ZCCHC14: variants seen among roughly 807,000 people sequenced by gnomAD.
ZCCHC14 encodes zinc finger CCHC-type containing 14.
ZCCHC14 carries 16 observed loss-of-function variants against 85.0 expected under a neutral mutation model. The observed-to-expected ratio is 0.19, with a 90% CI of 0.13 to 0.29. The LOEUF (loss-of-function observed/expected upper bound fraction) is 0.29, where lower values mean the gene tolerates loss of function less well. Among genes scored for constraint, ZCCHC14 ranks in the 10% least tolerant of loss-of-function variants. The pLI, the probability that ZCCHC14 is intolerant of heterozygous loss-of-function variation, is 1.00. For missense variants in ZCCHC14, 1,303 were observed against 1,443.5 expected, an observed-to-expected ratio of 0.90 and a Z score of 1.58; for synonymous variants, 775 against 630.7, an observed-to-expected ratio of 1.23 and a Z score of -3.43.
chr16:87,489,239 G>A (rs1912643987), intron 1 of ZCCHC14, among the ~76,000 whole-genome samples: 1 of 152,112 alleles, frequency 6.6e-6, no homozygotes, highest in Non-Finnish European at 1.5e-5. Context: ...AGAAACCACG[G>A]TTGTTTTGAA....
intron 2 of ZCCHC14, among the ~76,000 whole-genome samples, chr16:87,433,900 T>G (rs1345157171): frequency 6.6e-6 from 1 of 151,650 alleles, no homozygotes; most frequent in Non-Finnish European, 1.5e-5. Context: ...CGCCTCAGCC[T>G]CCCAACGTGC....
intron 2 of ZCCHC14, among the ~76,000 whole-genome samples, chr16:87,436,792 A>G (rs1158724441): frequency 1.3e-5 from 2 of 152,254 alleles, no homozygotes; most frequent in South Asian, 2.1e-4. Context: ...ACATGATGAC[A>G]GTTTTGTTTA....
At chr16:87,433,994 A>G (rs1296718312) in intron 2 of ZCCHC14, among the ~76,000 whole-genome samples, 1 of 152,166 alleles carries the variant, frequency 6.6e-6, no homozygotes, top group Non-Finnish European at 1.5e-5. Context: ...GGCAAGGATG[A>G]GGAGACCAGA....
At chr16:87,416,651 G>A (rs1194539172) in intron 8 of ZCCHC14, among the ~76,000 whole-genome samples, 2 of 152,052 alleles carry the variant, frequency 1.3e-5, no homozygotes, top group East Asian at 1.9e-4. Flanking sequence ...AGCTATTCAG[G>A]AGGCTGAGGC....
rs1181397180 is a variant in ZCCHC14, at chr16:87,406,358, A to G, written c.*3922T>C. Reference sequence around the variant, plus strand: ...GTATAATAAAACATAAAAACCCCAAAAACAGAATACTTGACATTTACAATT... The same window carrying G: ...GTATAATAAAACATAAAAACCCCAAGAACAGAATACTTGACATTTACAATT... On this transcript the variant is annotated 3_prime_UTR_variant, in exon 13 of 13. Transcript: ENST00000671377. 2 of 152,672 alleles carry G rather than the reference A, an allele frequency of 1.3e-5. No homozygotes were observed. Among genetic ancestry groups the G allele is most frequent in the African/African-American group, 4.8e-5 (2 of 41,466 alleles). 9.5% of individuals were successfully genotyped at this position (152,672 alleles called of 1,614,324 possible).
At chr16:87,421,846 CT>C (rs1490522479) in intron 4 of ZCCHC14, among the ~76,000 whole-genome samples, 1 of 152,114 alleles carries the variant, frequency 6.6e-6, no homozygotes, top group Non-Finnish European at 1.5e-5. Context: ...GGTGTTGACC[CT>C]TTCCAGGCAT....
At chr16:87,484,935 G>A (rs1912445842) in intron 1 of ZCCHC14, among the ~76,000 whole-genome samples, 1 of 152,198 alleles carries the variant, frequency 6.6e-6, no homozygotes, top group Non-Finnish European at 1.5e-5. Context: ...TGACCCTGAG[G>A]AAACAGAGGG....
chr16:87,423,946 TC>T, intron 3 of ZCCHC14, 65 bp from the exon 4 acceptor site: 2 of 1,551,100 alleles, frequency 1.3e-6, no homozygotes, highest in Non-Finnish European at 8.8e-7. Context: ...CCAGCACGTG[TC>T]CTGGTACGAC....
At position 87,415,297 on chromosome 16, in the gene ZCCHC14, T is replaced by A. The variant is rs761898674; in HGVS notation, c.1454A>T (p.Lys485Met). 6.2e-7 allele frequency: 1 copy of A among 1,614,022 alleles called. No individual in the cohort carries two copies. Among genetic ancestry groups the A allele is most frequent in the Non-Finnish European group, 8.5e-7 (1 of 1,179,984 alleles). The change falls in exon 9 of 13, where the codon AAG (lysine) becomes ATG (methionine). Residue 485 changes from lysine (K) to methionine (M), a missense_variant. This residue lies in a region of ZCCHC14 where 58 missense variants were observed against 88.2 expected (regional missense o/e 0.66). Transcript: ENST00000671377. ...SLTMGAKKKL[K>M]TQLELEKEKS... ...TCACTTTTCCAGCTCCAGCTGGGTC[T>A]TGAGCTTCTTCTTTGCCCCCATGGT...
chr16:87,472,916 G>C (rs1204565660), intron 1 of ZCCHC14: 1 of 152,302 alleles, frequency 6.6e-6, no homozygotes, highest in African/African-American at 2.4e-5. Context: ...GTCTCCCTAT[G>C]TTGCCCAGGC....
chr16:87,492,374 G>T lies in ZCCHC14; in HGVS notation c.-136C>A, dbSNP rs1027803831. 3.4e-5 allele frequency: 5 copies of T among 149,110 alleles called. No individual in the cohort carries two copies. The highest frequency in any genetic ancestry group is 2.7e-4 in the Admixed American group (4 of 14,646). 9.2% of individuals were successfully genotyped at this position (149,110 alleles called of 1,614,324 possible). On this transcript the variant is annotated 5_prime_UTR_variant, in exon 1 of 13. Coordinates refer to ENST00000671377, the MANE Select transcript of ZCCHC14 (RefSeq NM_015144.3). This position sits in a 1 kb window ranked among gnomAD's most constrained non-coding sequence, Gnocchi z 6.7. ...GGCCGGGTCCGGGCGAGGGCGCGCG[G>T]GCGCCGCGGGCCGGGCGGGCGCCGG...
rs781675357 is a variant in ZCCHC14 at position 87,406,399 on chromosome 16, G to A, written c.*3881C>T. ...ATTTACAATTCAAAATCAAATTAGC[G>A]GAATATTAAATATTTACAAAACTAT... On this transcript the variant is annotated 3_prime_UTR_variant, in exon 13 of 13. Transcript: ENST00000671377. 1.4e-4 allele frequency: 21 copies of A among 152,218 alleles called. No homozygotes were observed. Among genetic ancestry groups the A allele is most frequent in the Admixed American group, 2.0e-4 (3 of 15,242 alleles). The allele number at this position is 152,218 out of a possible 1,614,324, so 9.4% of individuals were successfully genotyped here. A position where few individuals can be genotyped will look rare whatever the true frequency, so the allele number is the denominator to read the frequency against.
At chr16:87,443,778 T>C (rs1235798583) in intron 2 of ZCCHC14, among the ~76,000 whole-genome samples, 2 of 151,346 alleles carry the variant, frequency 1.3e-5, no homozygotes, top group East Asian at 3.9e-4. Context: ...AGCTCATGCC[T>C]ATAATCCCAG....
intron 1 of ZCCHC14, among the ~76,000 whole-genome samples, chr16:87,463,008 T>C (rs903122053): frequency 6.7e-6 from 1 of 150,132 alleles, no homozygotes; most frequent in Non-Finnish European, 1.5e-5. Context: ...TTGGAGGTTG[T>C]AGGGAGCCGA....
At chr16:87,461,130 G>A (rs1911235930) in intron 1 of ZCCHC14, among the ~76,000 whole-genome samples, 1 of 152,208 alleles carries the variant, frequency 6.6e-6, no homozygotes, top group African/African-American at 2.4e-5. Context: ...GGGTGGGGGA[G>A]GCCCTCCTGA....
intron 1 of ZCCHC14, chr16:87,473,301 C>T (rs1428794863): frequency 1.3e-5 from 2 of 151,978 alleles, no homozygotes; most frequent in African/African-American, 4.8e-5. Flanking sequence ...CTCCTGGGTT[C>T]AAGCGATTCT....
Position 87,420,797 on chromosome 16 carries a change from G to A in ZCCHC14, c.841-81C>T. ...AATTCTGCTACTGCAGGAAAACCTG[G>A]GGCAGGTGCTCCATGGTGCCGCCTG... On this transcript the variant is annotated intron_variant, in intron 4 of 12. Coordinates refer to ENST00000671377, the MANE Select transcript of ZCCHC14 (RefSeq NM_015144.3). The surrounding 1 kb of genome is among the most constrained non-coding windows in gnomAD (Gnocchi z 5.0). 1 of 1,232,286 alleles carries A rather than the reference G, an allele frequency of 8.1e-7. No individual in the cohort carries two copies. Among genetic ancestry groups the A allele is most frequent in the Middle Eastern group, 2.0e-4 (1 of 5,124 alleles). The allele number at this position is 1,232,286 out of a possible 1,614,324, so 76.3% of individuals were successfully genotyped here. A position where few individuals can be genotyped will look rare whatever the true frequency, so the allele number is the denominator to read the frequency against.
chr16:87,450,463 G>C (rs1174571417), intron 2 of ZCCHC14, among the ~76,000 whole-genome samples: 1 of 151,284 alleles, frequency 6.6e-6, no homozygotes, highest in Non-Finnish European at 1.5e-5. Context: ...TTTTTCTTTG[G>C]TTTTTTATTA....
intron 3 of ZCCHC14, among the ~76,000 whole-genome samples, chr16:87,428,359 T>C (rs1345449678): frequency 6.6e-6 from 1 of 152,248 alleles, no homozygotes; most frequent in Non-Finnish European, 1.5e-5. Flanking sequence ...CTTGCCATAC[T>C]GTCGGCAACA....
Sources: gnomAD v4.1 joint callset for allele counts (sites outside exome capture counted in the v4.1 genomes callset) on GRCh38, gnomAD v4.1.1 for gene constraint, gnomAD v4.1.1 regional missense constraint, Gnocchi (gnomAD v3.1) non-coding constraint, MANE v1.5 for transcripts, NCBI Gene and HGNC (gene_info 2026-07-23, HGNC 2026-07-21) for gene names.